GRM1: variants seen among roughly 807,000 people sequenced by gnomAD.
GRM1 encodes metabotropic glutamate receptor 1.
In GRM1, 33 loss-of-function variants were observed where a neutral mutation model predicts 90.9. That is an observed-to-expected ratio of 0.36 (90% CI 0.28 to 0.49). The LOEUF (loss-of-function observed/expected upper bound fraction) is 0.49, where lower values mean the gene tolerates loss of function less well. Ranked by LOEUF, GRM1 falls within the 20% of genes least tolerant of loss-of-function variation. The pLI, the probability that GRM1 is intolerant of heterozygous loss-of-function variation, is 0.99. For synonymous variants in GRM1, 700 were observed against 613.2 expected (o/e 1.14, Z -2.09); for missense variants, 1,190 against 1,534.3 (o/e 0.78, Z 3.75).
chr6:146,195,281 C>T (rs756611061), intron 2 of GRM1, among the ~76,000 whole-genome samples: 54 of 152,100 alleles, frequency 3.6e-4, no homozygotes, highest in Admixed American at 7.2e-4. Context: ...AAAAAAAGCA[C>T]GAAGACGTAA....
chr6:146,297,362 G>C (rs541387997), intron 2 of GRM1, among the ~76,000 whole-genome samples: 2 of 152,088 alleles, frequency 1.3e-5, no homozygotes, highest in African/African-American at 4.8e-5. Context: ...GGGTTTCACT[G>C]TGTTAGCCAG....
At chr6:146,130,229 TTCCCTCCC>T (rs59893302) in intron 1 of GRM1, among the ~76,000 whole-genome samples, 11 of 150,240 alleles carry the variant, frequency 7.3e-5, no homozygotes, top group Admixed American at 2.0e-4. Context: ...TTCTCTTTCT[TTCCCTCCC>T]TCCCTCCCTC....
At chr6:146,302,301 C>T (rs1783416979) in intron 2 of GRM1, among the ~76,000 whole-genome samples, 1 of 149,746 alleles carries the variant, frequency 6.7e-6, no homozygotes. Flanking sequence ...TGCACACACA[C>T]AAGCAGGCAC....
chr6:146,418,841 T>C (rs1246389964), intron 7 of GRM1, among the ~76,000 whole-genome samples: 1 of 152,194 alleles, frequency 6.6e-6, no homozygotes, highest in African/African-American at 2.4e-5. Context: ...TTTTTATGGC[T>C]TAATTATAAA....
At chr6:146,356,044 A>G (rs909454554) in intron 4 of GRM1, among the ~76,000 whole-genome samples, 1 of 152,166 alleles carries the variant, frequency 6.6e-6, no homozygotes, top group Non-Finnish European at 1.5e-5. Flanking sequence ...AGCATTAATT[A>G]TAGAGTGAAT....
chr6:146,079,257 C>T (rs1047314143), intron 1 of GRM1, among the ~76,000 whole-genome samples: 3 of 152,116 alleles, frequency 2.0e-5, no homozygotes, highest in South Asian at 4.1e-4. Flanking sequence ...GAGCAGCATG[C>T]GGTTTCAGAA....
chr6:146,356,080 A>G (rs1421304189), intron 4 of GRM1, among the ~76,000 whole-genome samples: 17 of 152,204 alleles, frequency 1.1e-4, no homozygotes. Context: ...AGATGTAAGA[A>G]TGCCAGAGTT....
chr6:146,202,647 T>C (rs952991566), intron 2 of GRM1, among the ~76,000 whole-genome samples: 1 of 152,212 alleles, frequency 6.6e-6, no homozygotes, highest in African/African-American at 2.4e-5. Flanking sequence ...CTCGTTTTTC[T>C]CTAGGCTAAA....
intron 6 of GRM1, among the ~76,000 whole-genome samples, chr6:146,397,706 T>C (rs923943242): frequency 4.6e-5 from 7 of 152,036 alleles, no homozygotes; most frequent in Non-Finnish European, 1.0e-4. Flanking sequence ...TGTTGATTAG[T>C]TGGCACTCAT....
At chr6:146,200,573 A>T (rs1779267093) in intron 2 of GRM1, among the ~76,000 whole-genome samples, 1 of 152,200 alleles carries the variant, frequency 6.6e-6, no homozygotes. Context: ...TCTTGGCAGT[A>T]AGTGAGCCAG....
chr6:146,219,608 A>C (rs558307487), intron 2 of GRM1, among the ~76,000 whole-genome samples: 235 of 152,266 alleles, frequency 1.5e-3, no homozygotes, highest in Admixed American at 3.7e-3. Flanking sequence ...AAGATTAATA[A>C]TTTTTAAGGA....
intron 5 of GRM1, among the ~76,000 whole-genome samples, chr6:146,374,750 T>C (rs916813950): frequency 6.6e-6 from 1 of 152,106 alleles, no homozygotes; most frequent in African/African-American, 2.4e-5. Context: ...TTTATTTGGA[T>C]CTTCTCTCTT....
chr6:146,287,178 G>A (rs1167172328), intron 2 of GRM1, among the ~76,000 whole-genome samples: 1 of 152,142 alleles, frequency 6.6e-6, no homozygotes, highest in African/African-American at 2.4e-5. Flanking sequence ...GGAAAGAGGA[G>A]TTTTCTGTAA....
intron 5 of GRM1, among the ~76,000 whole-genome samples, chr6:146,373,721 C>A (rs1775989372): frequency 6.6e-6 from 1 of 152,106 alleles, no homozygotes; most frequent in Admixed American, 6.6e-5. Context: ...TTGTATCCTG[C>A]AACATTATTG....
chr6:146,357,337 A>G (rs1470333527), intron 4 of GRM1, among the ~76,000 whole-genome samples, 189 bp from the exon 5 acceptor site: 1 of 152,226 alleles, frequency 6.6e-6, no homozygotes, highest in Non-Finnish European at 1.5e-5. Context: ...ATACACAGAG[A>G]TTGAAGAATG....
intron 1 of GRM1, among the ~76,000 whole-genome samples, chr6:146,137,681 A>G (rs1776675704): frequency 6.6e-6 from 1 of 151,994 alleles, no homozygotes; most frequent in South Asian, 2.1e-4. Flanking sequence ...TGTGTTTTCC[A>G]TTTTTGTGAA....
At chr6:146,082,667 G>C (rs771650369) in intron 1 of GRM1, among the ~76,000 whole-genome samples, 84 of 152,024 alleles carry the variant, frequency 5.5e-4, no homozygotes, top group Non-Finnish European at 2.6e-4. Flanking sequence ...ACCTGTTCAA[G>C]TTGCAATCAT....
intron 7 of GRM1, among the ~76,000 whole-genome samples, chr6:146,430,701 A>G (rs1778376251): frequency 6.6e-6 from 1 of 152,162 alleles, no homozygotes; most frequent in African/African-American, 2.4e-5. Context: ...TCTCTTCTTA[A>G]TATCACAGTA....
At chr6:146,144,406 A>G (rs1342096063) in intron 1 of GRM1, among the ~76,000 whole-genome samples, 1 of 152,160 alleles carries the variant, frequency 6.6e-6, no homozygotes, top group African/African-American at 2.4e-5. Context: ...GCTTTATAGA[A>G]AGAAGAGAGA....
Sources: allele counts gnomAD v4.1 joint callset (sites outside exome capture counted in the v4.1 genomes callset), GRCh38; gene constraint gnomAD v4.1.1; transcripts MANE v1.5; gene names NCBI Gene and HGNC (gene_info 2026-07-23, HGNC 2026-07-21).